NBAS: variants seen among roughly 807,000 people sequenced by gnomAD.
NBAS encodes the protein NBAS subunit of NRZ tethering complex.
In NBAS, 219 loss-of-function variants were observed where a neutral mutation model predicts 302.5. The ratio of observed to expected loss-of-function variants is 0.72; its 90% CI spans 0.65 to 0.81. The LOEUF (loss-of-function observed/expected upper bound fraction) is 0.81, where lower values mean the gene tolerates loss of function less well. Among genes scored for constraint, NBAS ranks in the 30% least tolerant of loss-of-function variants. NBAS has a pLI of 0.00. For synonymous variants in NBAS, 1,118 were observed against 1,021.6 expected (o/e 1.09, Z -1.80); for missense variants, 2,932 against 2,841.6 (o/e 1.03, Z -0.72).
rs139381608 is a variant in NBAS, at chr2:15,446,657, A to T, written c.2339+14544T>A. 1.3e-3 allele frequency among the ~76,000 whole-genome samples: 191 copies of T among 152,334 alleles called. 1 individual carries two copies. Among genetic ancestry groups the T allele is most frequent in the African/African-American group, 4.3e-3 (179 of 41,588 alleles). On this transcript the variant is annotated intron_variant, in intron 21 of 51. Coordinates refer to ENST00000281513, the MANE Select transcript of NBAS (RefSeq NM_015909.4). ...AAAAACAAAATACATTTTCAATTTTAAAAAATTACTGATAAGAGCAAAAAT... is the reference window on the plus strand; with the variant it reads ...AAAAACAAAATACATTTTCAATTTTTAAAAATTACTGATAAGAGCAAAAAT...
At position 15,384,958 on chromosome 2, in the gene NBAS, G is replaced by A. The variant is rs1675215885; in HGVS notation, c.3258-1641C>T. ...TGTGTTTAATAGTTATTGCTATAGA[G>A]AAAGTATATATTTGGGATCATTACA... On this transcript the variant is annotated intron_variant, in intron 28 of 51. Transcript: ENST00000281513. 2.6e-5 allele frequency among the ~76,000 whole-genome samples: 4 copies of A among 151,090 alleles called. No homozygotes were observed. In the Admixed American group the frequency reaches 2.7e-4, roughly 10 times the overall value.
chr2:15,237,422 T>C (rs772695850), intron 45 of NBAS, among the ~76,000 whole-genome samples: 2 of 151,814 alleles, frequency 1.3e-5, no homozygotes, highest in Admixed American at 1.3e-4. Flanking sequence ...TTCCTCTCAA[T>C]AATGAAATTA....
the NBAS span, among the ~76,000 whole-genome samples, chr2:15,036,557 G>A: frequency 6.6e-6 from 1 of 152,150 alleles, no homozygotes; most frequent in South Asian, 2.1e-4. Context: ...TTCTGATTGA[G>A]CATGTTCTTT....
chr2:15,441,103 C>T (rs555105864), intron 21 of NBAS, among the ~76,000 whole-genome samples: 1 of 152,298 alleles, frequency 6.6e-6, no homozygotes, highest in East Asian at 1.9e-4. Flanking sequence ...TCCAGGAGAA[C>T]TTCCCCAATC....
intron 38 of NBAS, among the ~76,000 whole-genome samples, chr2:15,321,077 C>G (rs1456706414): frequency 6.6e-6 from 1 of 152,168 alleles, no homozygotes; most frequent in Non-Finnish European, 1.5e-5. Flanking sequence ...ACAGAGCCCT[C>G]AGAAATAACA....
chr2:15,258,926 G>A (rs773004064), intron 44 of NBAS, among the ~76,000 whole-genome samples: 5 of 151,996 alleles, frequency 3.3e-5, no homozygotes, highest in Non-Finnish European at 5.9e-5. Context: ...GGCTCAGATG[G>A]GCATCAAGGA....
the NBAS span, among the ~76,000 whole-genome samples, chr2:14,887,672 C>T: frequency 2.0e-5 from 3 of 152,134 alleles, no homozygotes; most frequent in Admixed American, 6.5e-5. Flanking sequence ...TTCCTCTCCA[C>T]GCCCCTCCCC....
At chr2:14,872,982 C>G in the NBAS span, among the ~76,000 whole-genome samples, 1 of 152,188 alleles carries the variant, frequency 6.6e-6, no homozygotes, top group African/African-American at 2.4e-5. Flanking sequence ...ACCCAGTGAG[C>G]AGCAGTAAGA....
chr2:15,296,978 A>AT (rs1361205620), intron 40 of NBAS, among the ~76,000 whole-genome samples: 1 of 152,214 alleles, frequency 6.6e-6, no homozygotes, highest in Non-Finnish European at 1.5e-5. Context: ...TCTGTGAATC[A>AT]TTTTTATTTC....
intron 25 of NBAS, among the ~76,000 whole-genome samples, chr2:15,409,851 A>C (rs1268838384): frequency 1.3e-5 from 2 of 152,184 alleles, no homozygotes; most frequent in East Asian, 3.8e-4. Flanking sequence ...ATCTATAAGA[A>C]TCTTGTACAA....
the NBAS span, among the ~76,000 whole-genome samples, chr2:15,131,606 A>G: frequency 6.6e-6 from 1 of 152,172 alleles, no homozygotes; most frequent in Admixed American, 6.5e-5. Flanking sequence ...AAATTTTATT[A>G]TTATTATACT....
At chr2:15,417,094 G>A (rs2148462740) in intron 24 of NBAS, among the ~76,000 whole-genome samples, 1 of 152,236 alleles carries the variant, frequency 6.6e-6, no homozygotes, top group South Asian at 2.1e-4. Flanking sequence ...AAGAATTACT[G>A]GGAAAATTCT....
the NBAS span, among the ~76,000 whole-genome samples, chr2:15,144,065 A>ATATATATATATAT: frequency 1.6e-3 from 192 of 121,614 alleles, 4 homozygotes; most frequent in East Asian, 5.5e-3. Flanking sequence ...ATATATATAT[A>ATATATATATATAT]TATCTCCCAT....
the NBAS span, among the ~76,000 whole-genome samples, chr2:14,848,496 G>T: frequency 1.4e-5 from 2 of 144,220 alleles, 1 homozygote; most frequent in African/African-American, 5.7e-5. Context: ...AGCGAGGCTG[G>T]GGGAGGGGCG....
the NBAS span, among the ~76,000 whole-genome samples, chr2:15,064,283 GAA>G: frequency 0.62 from 75,014 of 121,744 alleles, 21,436 homozygotes; most frequent in Middle Eastern, 0.69. Flanking sequence ...GCTAGACTAA[GAA>G]AAAAAGAGAA....
At position 15,275,519 on chromosome 2, in the gene NBAS, C is replaced by T. The variant is rs1372020263; in HGVS notation, c.5689G>A (p.Asp1897Asn). 1 of 1,614,088 alleles carries T rather than the reference C, an allele frequency of 6.2e-7. No homozygotes were observed. Among genetic ancestry groups the T allele is most frequent in the Admixed American group, 1.7e-5 (1 of 60,004 alleles). ...GCTTTTGGAGAAAATGTAACTGCAT[C>T]TACCACAGTGATGAGGTCACCTGGG... ...LHPGDLITVV[D>N]AVTFSPKAVT... Residue 1897 changes from aspartate (D) to asparagine (N), a missense_variant, in exon 44 of 52, where the codon GAT becomes AAT. Transcript: ENST00000281513.
chr2:15,213,371 T>C (rs139531798), intron 48 of NBAS, among the ~76,000 whole-genome samples: 130 of 152,356 alleles, frequency 8.5e-4, no homozygotes, highest in Non-Finnish European at 1.5e-3. Context: ...TTAACATATA[T>C]AGTACCATGT....
chr2:15,561,146 C>T lies in NBAS; in HGVS notation c.117+42G>A, dbSNP rs747362843. On this transcript the variant is annotated intron_variant, in intron 1 of 51. Transcript: ENST00000281513. ...GCTACGTGGCTCTACCCACGAAGCG[C>T]CCGCGCCAAGCTGGCTGCTGCTGTA... 7 of 1,588,796 alleles carry T rather than the reference C, an allele frequency of 4.4e-6. No homozygotes were observed. The South Asian group carries it at 6.6e-5, about 15-fold the overall frequency.
At chr2:15,002,992 C>G in the NBAS span, among the ~76,000 whole-genome samples, 1 of 152,226 alleles carries the variant, frequency 6.6e-6, no homozygotes, top group African/African-American at 2.4e-5. Flanking sequence ...CACGGTGCAG[C>G]GGCGGGCTGA....
Sources: gnomAD v4.1 joint callset for allele counts (sites outside exome capture counted in the v4.1 genomes callset) on GRCh38, gnomAD v4.1.1 for gene constraint, MANE v1.5 for transcripts, NCBI Gene and HGNC (gene_info 2026-07-23, HGNC 2026-07-21) for gene names.